PKIB: variants seen among roughly 807,000 people sequenced by gnomAD.
The protein encoded by PKIB is PKI-beta.
PKIB carries 2 observed loss-of-function variants against 4.5 expected under a neutral mutation model. The observed-to-expected ratio is 0.44, with a 90% CI of 0.18 to 1.39. The LOEUF (loss-of-function observed/expected upper bound fraction) is 1.39, where lower values mean the gene tolerates loss of function less well. Among genes scored for constraint, PKIB ranks in the 40% most tolerant of loss-of-function variants. The pLI, the probability that PKIB is intolerant of heterozygous loss-of-function variation, is 0.27. For synonymous variants in PKIB, 38 were observed against 36.0 expected (o/e 1.06, Z -0.20); for missense variants, 94 against 92.6 (o/e 1.02, Z -0.06).
intron 3 of PKIB, among the ~76,000 whole-genome samples, chr6:122,702,675 A>G (rs796285424): frequency 2.0e-5 from 3 of 152,276 alleles, no homozygotes; most frequent in African/African-American, 7.2e-5. Flanking sequence ...CGAAGCAACC[A>G]AAGAAATAAG....
intron 2 of PKIB, among the ~76,000 whole-genome samples, chr6:122,566,881 G>A (rs900771885): frequency 6.6e-6 from 1 of 152,000 alleles, no homozygotes; most frequent in African/African-American, 2.4e-5. Flanking sequence ...CTTTCCCTTA[G>A]TAGGAACATT....
At chr6:122,687,598 C>T (rs7757308) in intron 3 of PKIB, among the ~76,000 whole-genome samples, 37,960 of 151,966 alleles carry the variant, frequency 0.25, 5,205 homozygotes, top group East Asian at 0.44. Context: ...TTCCAATCCA[C>T]GAACATGGAA....
chr6:122,571,375 A>G (rs748138536), intron 2 of PKIB, among the ~76,000 whole-genome samples: 16 of 152,220 alleles, frequency 1.1e-4, no homozygotes, highest in Non-Finnish European at 1.6e-4. Context: ...AGATATACAG[A>G]TATCAAAATA....
At chr6:122,607,048 T>G (rs930014135), upstream of PKIB, among the ~76,000 whole-genome samples, 2 of 148,670 alleles carry the variant, frequency 1.3e-5, no homozygotes, top group Non-Finnish European at 3.0e-5. Context: ...CTGGGCTCAA[T>G]GAAAGATGAA....
intron 2 of PKIB, among the ~76,000 whole-genome samples, chr6:122,579,940 T>C (rs1051833379): frequency 6.6e-6 from 1 of 152,196 alleles, no homozygotes; most frequent in Non-Finnish European, 1.5e-5. Flanking sequence ...CGTATATAGA[T>C]ACATATTGTA....
intron 2 of PKIB, among the ~76,000 whole-genome samples, chr6:122,543,151 A>G (rs1319994670): frequency 6.6e-6 from 1 of 151,464 alleles, no homozygotes; most frequent in East Asian, 1.9e-4. Flanking sequence ...GAACTCCCTC[A>G]CCCCTTGCGC....
At chr6:122,562,246 C>T (rs1320877102) in intron 2 of PKIB, among the ~76,000 whole-genome samples, 1 of 151,858 alleles carries the variant, frequency 6.6e-6, no homozygotes, top group African/African-American at 2.4e-5. Flanking sequence ...AAATTCTTGG[C>T]TGATAATTGT....
At chr6:122,661,989 T>C (rs1452892044) in intron 2 of PKIB, among the ~76,000 whole-genome samples, 1 of 152,224 alleles carries the variant, frequency 6.6e-6, no homozygotes, top group Non-Finnish European at 1.5e-5. Flanking sequence ...GCCATTTACA[T>C]ACCTTCTTTG....
intron 2 of PKIB, among the ~76,000 whole-genome samples, chr6:122,518,551 G>C (rs1776833358): frequency 6.6e-6 from 1 of 151,964 alleles, no homozygotes; most frequent in African/African-American, 2.4e-5. Context: ...GAGAACTGAA[G>C]GGTGAGGCAG....
chr6:122,503,340 A>G (rs1776301141), intron 2 of PKIB, among the ~76,000 whole-genome samples: 1 of 152,226 alleles, frequency 6.6e-6, no homozygotes, highest in Non-Finnish European at 1.5e-5. Context: ...TAATTGGCTT[A>G]TGGATTGCTT....
intron 2 of PKIB, among the ~76,000 whole-genome samples, chr6:122,551,874 C>CTTTT (rs61025863): frequency 4.6e-5 from 4 of 87,516 alleles, no homozygotes; most frequent in Non-Finnish European, 4.3e-5. Flanking sequence ...CTTAGTACAT[C>CTTTT]TTTTTTTTTT....
At chr6:122,701,456 T>A in intron 3 of PKIB, 1 of 1,586,712 alleles carries the variant, frequency 6.3e-7, no homozygotes, top group East Asian at 2.3e-5. Context: ...GCTTCAGAGA[T>A]CACCTGCCAA....
intron 2 of PKIB, among the ~76,000 whole-genome samples, chr6:122,556,608 G>A (rs893010736): frequency 6.6e-6 from 1 of 152,120 alleles, no homozygotes; most frequent in Non-Finnish European, 1.5e-5. Context: ...GCAGATCTGC[G>A]GGTGCCTGAA....
In PKIB at chr6:122,621,595, G is replaced by T. The variant is rs150675323; in HGVS notation, c.-161+11060G>T. On this transcript the variant is annotated intron_variant, in intron 1 of 4. Transcript: ENST00000368452. ...ACTAGTTTGCCACATAAAGGGGAAG[G>T]TGTTCTAGGAAGAGCAAAGAGACTC... Among the ~76,000 whole-genome samples the T allele has an allele frequency of 7.0e-4, 107 of 152,300 alleles. No individual in the cohort carries two copies. The East Asian group carries it at 0.013, about 19-fold the overall frequency.
chr6:122,623,245 A>C (rs1463417544), intron 1 of PKIB, among the ~76,000 whole-genome samples: 6 of 152,206 alleles, frequency 3.9e-5, no homozygotes, highest in Non-Finnish European at 8.8e-5. Flanking sequence ...TTTATTTTTA[A>C]TATTTAACAC....
At chr6:122,654,184 G>A (rs1020044680) in intron 2 of PKIB, among the ~76,000 whole-genome samples, 10 of 152,194 alleles carry the variant, frequency 6.6e-5, no homozygotes, top group Non-Finnish European at 2.9e-5. Context: ...ATAAGATGAA[G>A]TGTGAAGAAT....
chr6:122,555,715 T>TTCTTA (rs1274531339), intron 2 of PKIB, among the ~76,000 whole-genome samples: 3 of 152,336 alleles, frequency 2.0e-5, no homozygotes, highest in African/African-American at 7.2e-5. Context: ...TTGGTTCTAT[T>TTCTTA]TCTTATCTTA....
intron 2 of PKIB, among the ~76,000 whole-genome samples, chr6:122,515,852 A>T (rs1776732905): frequency 6.6e-6 from 1 of 152,016 alleles, no homozygotes; most frequent in African/African-American, 2.4e-5. Context: ...GGTAGCTGGG[A>T]CTACAGGCTC....
At chr6:122,501,565 GC>G (rs1776237177) in intron 2 of PKIB, among the ~76,000 whole-genome samples, 1 of 152,176 alleles carries the variant, frequency 6.6e-6, no homozygotes. Flanking sequence ...CATTACTTTG[GC>G]CCCTTTTAGC....
Sources: allele counts gnomAD v4.1 joint callset (sites outside exome capture counted in the v4.1 genomes callset), GRCh38; gene constraint gnomAD v4.1.1; transcripts MANE v1.5; gene names NCBI Gene and HGNC (gene_info 2026-07-23, HGNC 2026-07-21).